The following PRORP variants were observed in gnomAD, a reference collection of about 807,000 sequenced individuals.
PRORP encodes protein only RNase P catalytic subunit.
A neutral mutation model predicts 59.4 loss-of-function variants in PRORP; 51 were observed. That is an observed-to-expected ratio of 0.86 (90% CI 0.69 to 1.08). The LOEUF (loss-of-function observed/expected upper bound fraction) is 1.08, where lower values mean the gene tolerates loss of function less well. PRORP is among the 50% of genes least tolerant of loss of function. The pLI is 0.00. For synonymous variants in PRORP, 231 were observed against 245.6 expected, an observed-to-expected ratio of 0.94 and a Z score of 0.55; for missense variants, 646 against 690.3, an observed-to-expected ratio of 0.94 and a Z score of 0.72.
intron 5 of PRORP, among the ~76,000 whole-genome samples, chr14:35,185,625 T>C (rs1258374157): frequency 1.3e-5 from 2 of 152,212 alleles, no homozygotes; most frequent in Non-Finnish European, 2.9e-5. Flanking sequence ...AATGGCATAA[T>C]TCAAAGAAAG....
Position 35,123,204 on chromosome 14 carries a change from T to A in PRORP, c.-42T>A. On this transcript the variant is annotated 5_prime_UTR_variant, in exon 2 of 8. Coordinates refer to ENST00000534898, the MANE Select transcript of PRORP (RefSeq NM_014672.4). ...AATTTTGCCATAGAAGAGGGGTTTT[T>A]TCAACATCTCTCTCACTATCTGGTG... The A allele has an allele frequency of 5.1e-6, 8 of 1,561,076 alleles. No homozygotes were observed. Among genetic ancestry groups the A allele is most frequent in the Non-Finnish European group, 6.9e-6 (8 of 1,158,304 alleles).
intron 4 of PRORP, 121 bp downstream of exon 4, chr14:35,127,732 C>G: frequency 1.1e-6 from 1 of 891,044 alleles, no homozygotes; most frequent in East Asian, 2.7e-5. Flanking sequence ...CCTGTTGCAA[C>G]TTTTCAACTC....
chr14:35,152,773 C>CTGTAATCTCGGCACTTTGGGAGGCCAAG (rs1311783388), intron 4 of PRORP, among the ~76,000 whole-genome samples: 1 of 150,930 alleles, frequency 6.6e-6, no homozygotes. Context: ...CGGGCAGAGG[C>CTGTAATCTCGGCACTTTGGGAGGCCAAG]GCTCCTCACA....
chr14:35,218,840 G>A (rs966943445), intron 5 of PRORP, among the ~76,000 whole-genome samples: 3 of 152,036 alleles, frequency 2.0e-5, no homozygotes, highest in African/African-American at 7.2e-5. Flanking sequence ...GTACTTTTAA[G>A]CACTAAGGAG....
chr14:35,184,237 T>C (rs1297861078), intron 5 of PRORP, among the ~76,000 whole-genome samples: 1 of 152,162 alleles, frequency 6.6e-6, no homozygotes, highest in Non-Finnish European at 1.5e-5. Context: ...AGCCTATAGC[T>C]TAAGGGTGAT....
At chr14:35,264,412 G>A (rs959673091) in intron 5 of PRORP, among the ~76,000 whole-genome samples, 11 of 151,608 alleles carry the variant, frequency 7.3e-5, no homozygotes, top group Non-Finnish European at 1.6e-4. Context: ...GAGAGCCACC[G>A]TGCCTGGCCT....
chr14:35,180,040 A>G (rs530263801), intron 4 of PRORP, among the ~76,000 whole-genome samples: 1 of 152,248 alleles, frequency 6.6e-6, no homozygotes, highest in East Asian at 1.9e-4. Flanking sequence ...CGGAGGCTGC[A>G]GAACAGCGAA....
chr14:35,259,993 GTT>G (rs557378360), intron 5 of PRORP, among the ~76,000 whole-genome samples: 2 of 81,302 alleles, frequency 2.5e-5, no homozygotes, highest in Non-Finnish European at 4.5e-5. Context: ...GGTTTTTCGG[GTT>G]TTTTTTTTTT....
intron 5 of PRORP, among the ~76,000 whole-genome samples, chr14:35,242,368 A>G (rs1481362124): frequency 6.6e-5 from 10 of 152,004 alleles, no homozygotes; most frequent in Non-Finnish European, 1.5e-5. Context: ...ATCCTCATTT[A>G]TTTTTGGTCT....
intron 4 of PRORP, chr14:35,144,217 C>T (rs1280291681): frequency 6.7e-6 from 1 of 148,484 alleles, no homozygotes; most frequent in Non-Finnish European, 1.5e-5. Flanking sequence ...GTGGTATTGT[C>T]TTCTTCATGG....
chr14:35,178,881 G>C (rs1170429989), intron 4 of PRORP, among the ~76,000 whole-genome samples: 5 of 152,276 alleles, frequency 3.3e-5, no homozygotes, highest in Non-Finnish European at 7.4e-5. Context: ...GCTGGTACCG[G>C]TTGTATCTTT....
At chr14:35,248,163 C>T in intron 5 of PRORP, among the ~76,000 whole-genome samples, 1 of 152,188 alleles carries the variant, frequency 6.6e-6, no homozygotes, top group East Asian at 1.9e-4. Context: ...GGATATAGGA[C>T]ATGGTGGGTC....
At chr14:35,189,927 G>A (rs1454830403) in intron 5 of PRORP, among the ~76,000 whole-genome samples, 1 of 151,722 alleles carries the variant, frequency 6.6e-6, no homozygotes, top group Non-Finnish European at 1.5e-5. Context: ...TGGCCAAGAT[G>A]CTGAAACCCT....
Position 35,123,555 on chromosome 14 carries a change from G to C in PRORP, c.310G>C (p.Ala104Pro). The stretch of plus-strand genomic sequence containing the variant: ...GATGAATTCTCAAACTGAAGATCAT[G>C]CCTTGGCACCTGTGAGGAACACTAT... Reference protein sequence around the residue: ...SQMNSQTEDHALAPVRNTIQL... With the variant: ...SQMNSQTEDHPLAPVRNTIQL... Residue 104 changes from alanine to proline, a missense_variant, in exon 2 of 8, where the codon GCC (alanine) becomes CCC (proline). By Grantham distance (27) the Ala-to-Pro change is conservative. Coordinates refer to ENST00000534898, the MANE Select transcript of PRORP (RefSeq NM_014672.4). 6.2e-7 allele frequency: 1 copy of C among 1,614,172 alleles called. No homozygotes were observed. Among genetic ancestry groups the C allele is most frequent in the South Asian group, 1.1e-5 (1 of 91,084 alleles).
At chr14:35,201,811 C>T (rs2049159032) in intron 5 of PRORP, among the ~76,000 whole-genome samples, 2 of 151,866 alleles carry the variant, frequency 1.3e-5, no homozygotes, top group South Asian at 4.2e-4. Flanking sequence ...GTGTGCACCA[C>T]CACATCTGGC....
intron 4 of PRORP, among the ~76,000 whole-genome samples, chr14:35,153,256 G>A (rs1304225576): frequency 3.3e-5 from 5 of 152,220 alleles, no homozygotes; most frequent in African/African-American, 7.2e-5. Context: ...CAGGCGTGGC[G>A]GTGCGCGCCT....
intron 4 of PRORP, among the ~76,000 whole-genome samples, chr14:35,133,275 C>A (rs921039912): frequency 6.6e-6 from 1 of 152,166 alleles, no homozygotes; most frequent in Non-Finnish European, 1.5e-5. Context: ...TCTGTGTGAT[C>A]CCTTCTGCTG....
At chr14:35,256,186 A>G (rs558005063) in intron 5 of PRORP, among the ~76,000 whole-genome samples, 2 of 149,162 alleles carry the variant, frequency 1.3e-5, no homozygotes, top group Admixed American at 6.7e-5. Context: ...CGGGAGGCTG[A>G]GGCAGGAGAA....
intron 4 of PRORP, among the ~76,000 whole-genome samples, chr14:35,157,296 A>G (rs1333065954): frequency 6.6e-6 from 1 of 152,022 alleles, no homozygotes; most frequent in Non-Finnish European, 1.5e-5. Context: ...TATCCTAAAC[A>G]TGGGCCAGAC....
Sources: allele counts gnomAD v4.1 joint callset (sites outside exome capture counted in the v4.1 genomes callset), GRCh38; gene constraint gnomAD v4.1.1; transcripts MANE v1.5; gene names NCBI Gene and HGNC (gene_info 2026-07-23, HGNC 2026-07-21).